ATP9B: variants seen among roughly 807,000 people sequenced by gnomAD.
ATP9B encodes ATPase phospholipid transporting 9B, also known as probable phospholipid-transporting ATPase IIB.
ATP9B carries 110 observed loss-of-function variants against 146.1 expected under a neutral mutation model. The ratio of observed to expected loss-of-function variants is 0.75; its 90% CI spans 0.65 to 0.88. The LOEUF (loss-of-function observed/expected upper bound fraction) is 0.88, where lower values mean the gene tolerates loss of function less well. Ranked by LOEUF, ATP9B falls within the 40% of genes least tolerant of loss-of-function variation. The probability of loss-of-function intolerance (pLI) is 0.00; values close to 1 mark genes in which losing one functional copy is unlikely to be tolerated. For missense variants in ATP9B, 1,499 were observed against 1,496.4 expected, an observed-to-expected ratio of 1.00 and a Z score of -0.03; for synonymous variants, 604 against 569.7, an observed-to-expected ratio of 1.06 and a Z score of -0.86.
chr18:79,097,050 A>G (rs1407791215), intron 2 of ATP9B, among the ~76,000 whole-genome samples: 1 of 151,216 alleles, frequency 6.6e-6, no homozygotes, highest in Non-Finnish European at 1.5e-5. Flanking sequence ...CCCAGCTACT[A>G]GGGAGGCTGA....
intron 12 of ATP9B, among the ~76,000 whole-genome samples, chr18:79,268,126 A>G (rs1293650801): frequency 6.6e-6 from 1 of 152,090 alleles, no homozygotes; most frequent in Non-Finnish European, 1.5e-5. Context: ...AGCTTTTTGC[A>G]TTAAATTCTA....
chr18:79,192,596 A>G (rs1219572945), intron 8 of ATP9B, among the ~76,000 whole-genome samples: 1 of 152,210 alleles, frequency 6.6e-6, no homozygotes, highest in Non-Finnish European at 1.5e-5. Flanking sequence ...CTGCTCTAAA[A>G]TTAATGGTAT....
rs59110010 is a variant in ATP9B at position 79,371,370 on chromosome 18, TAAAAAAAAAAA to T, written c.3013-1434_3013-1424del. Among the ~76,000 whole-genome samples the T allele has an allele frequency of 3.8e-3, 376 of 98,108 alleles. 2 individuals are homozygous for T. Among genetic ancestry groups the T allele is most frequent in the African/African-American group, 0.015 (362 of 24,652 alleles). The allele number at this position is 98,108 out of a possible 152,430, so 64.4% of individuals were successfully genotyped here. On this transcript the variant is annotated intron_variant, in intron 26 of 29. Coordinates refer to ENST00000426216, the MANE Select transcript of ATP9B (RefSeq NM_198531.5). ...CTGGTGAAAGAGCAAGACTCCGTCT[TAAAAAAAAAAA>T]AAAAAAAAAAAAAAAAAAAACAGTA...
chr18:79,351,329 GT>G (rs568033617), intron 25 of ATP9B, among the ~76,000 whole-genome samples: 145 of 152,334 alleles, frequency 9.5e-4, no homozygotes, highest in African/African-American at 3.1e-3. Context: ...CCCAGCTCCT[GT>G]TCCTACAGCT....
At chr18:79,079,396 A>G (rs564171530) in intron 1 of ATP9B, among the ~76,000 whole-genome samples, 1 of 152,024 alleles carries the variant, frequency 6.6e-6, no homozygotes, top group African/African-American at 2.4e-5. Context: ...TTTGATTTGC[A>G]TTTCTCTGAT....
intron 2 of ATP9B, among the ~76,000 whole-genome samples, chr18:79,100,266 A>G (rs1257791509): frequency 6.6e-6 from 1 of 152,190 alleles, no homozygotes; most frequent in Non-Finnish European, 1.5e-5. Flanking sequence ...ACTGCTCTGT[A>G]TGTCAGTGAA....
rs35645442 is a variant in ATP9B, at chr18:79,075,081, G to GTTT, written c.119+5563_119+5565dup. ...TGTGACTTTGTTTATTCTTTTTAGAGTTTTTTTTTTTTTGAGACGGAGTCT... is the reference window on the plus strand; with the variant it reads ...TGTGACTTTGTTTATTCTTTTTAGAGTTTTTTTTTTTTTTTTGAGACGGAGTCT... On this transcript the variant is annotated intron_variant, in intron 1 of 29. Transcript: ENST00000426216. 1.6e-4 allele frequency among the ~76,000 whole-genome samples: 24 copies of GTTT among 146,054 alleles called. 1 individual carries two copies. Among genetic ancestry groups the GTTT allele is most frequent in the Middle Eastern group, 3.6e-3 (1 of 278 alleles).
intron 9 of ATP9B, among the ~76,000 whole-genome samples, chr18:79,195,925 C>T (rs1049264803): frequency 6.6e-6 from 1 of 152,150 alleles, no homozygotes; most frequent in South Asian, 2.1e-4. Context: ...ACATTGACAG[C>T]TCAAGTGTGT....
chr18:79,129,502 C>T (rs1171069999), intron 5 of ATP9B, among the ~76,000 whole-genome samples: 1 of 152,160 alleles, frequency 6.6e-6, no homozygotes, highest in African/African-American at 2.4e-5. Flanking sequence ...TCCTCCTCCC[C>T]CCTGCCCCTC....
At chr18:79,264,159 A>G (rs1033647039) in intron 12 of ATP9B, among the ~76,000 whole-genome samples, 15 of 152,340 alleles carry the variant, frequency 9.8e-5, no homozygotes, top group Admixed American at 1.3e-4. Context: ...AATTTACCAG[A>G]TAATGTTTAA....
At chr18:79,331,500 G>A (rs1426105045) in intron 17 of ATP9B, among the ~76,000 whole-genome samples, 2 of 152,128 alleles carry the variant, frequency 1.3e-5, no homozygotes, top group African/African-American at 2.4e-5. Context: ...AAAATTCTAT[G>A]TACATTTATT....
chr18:79,193,948 C>T (rs1333503863), intron 9 of ATP9B, among the ~76,000 whole-genome samples: 1 of 152,174 alleles, frequency 6.6e-6, no homozygotes, highest in Non-Finnish European at 1.5e-5. Flanking sequence ...CTTGAAAAAG[C>T]ATTTACAGAG....
chr18:79,362,295 CAT>C (rs1441919844), intron 26 of ATP9B: 2 of 152,272 alleles, frequency 1.3e-5, no homozygotes, highest in East Asian at 3.9e-4. Flanking sequence ...CAAGTATAAA[CAT>C]TTGTCCCCTG....
intron 9 of ATP9B, among the ~76,000 whole-genome samples, chr18:79,199,012 C>T (rs770571711): frequency 3.3e-5 from 5 of 151,844 alleles, no homozygotes; most frequent in African/African-American, 7.3e-5. Flanking sequence ...AGTGCAGTGG[C>T]GCAATCTCAG....
intron 15 of ATP9B, among the ~76,000 whole-genome samples, chr18:79,323,433 C>T (rs2096726961): frequency 6.6e-6 from 1 of 152,180 alleles, no homozygotes; most frequent in Non-Finnish European, 1.5e-5. Context: ...CTTTATCACC[C>T]CTATCCCCAA....
In ATP9B at chr18:79,069,846, G is replaced by T. The variant is rs191912468; in HGVS notation, c.119+317G>T. ...CTCCTAAAGTAAACGGGGATCAAAA[G>T]TGCTAACTTCTCGGATACTTCAGAG... On this transcript the variant is annotated intron_variant, in intron 1 of 29. Coordinates refer to ENST00000426216, the MANE Select transcript of ATP9B (RefSeq NM_198531.5). 2.3e-4 allele frequency among the ~76,000 whole-genome samples: 35 copies of T among 152,382 alleles called. 1 individual carries two copies. In the East Asian group the frequency reaches 6.6e-3, roughly 29 times the overall value.
intron 25 of ATP9B, among the ~76,000 whole-genome samples, chr18:79,355,782 C>G (rs1009468756): frequency 6.6e-6 from 1 of 152,170 alleles, no homozygotes; most frequent in South Asian, 2.1e-4. Context: ...AGAAGGTAAG[C>G]AAACCCTGAA....
In ATP9B at chr18:79,110,462, C is replaced by G. The variant is rs757682267; in HGVS notation, c.401C>G (p.Ser134Cys). 2.5e-6 allele frequency: 4 copies of G among 1,613,178 alleles called. No individual in the cohort carries two copies. The highest frequency in any genetic ancestry group is 3.4e-6 in the Non-Finnish European group (4 of 1,179,422). ...TGTGAAGAAAAACATCCCAGGAATT[C>G]TATAAAAAATCAAAAATACAATGTG... The part of the protein sequence containing the change: ...EKCEEKHPRN[S>C]IKNQKYNVFT... Residue 134 changes from serine to cysteine, a missense_variant, in exon 3 of 30, where the codon TCT (serine) becomes TGT (cysteine). Transcript: ENST00000426216.
At chr18:79,254,736 A>G (rs2096061963) in intron 12 of ATP9B, 1 of 152,518 alleles carries the variant, frequency 6.6e-6, no homozygotes, top group South Asian at 2.1e-4. Flanking sequence ...CACTGCAGCT[A>G]TCCCCATGTG....
Sources: allele counts gnomAD v4.1 joint callset (sites outside exome capture counted in the v4.1 genomes callset), GRCh38; gene constraint gnomAD v4.1.1; transcripts MANE v1.5; gene names NCBI Gene and HGNC (gene_info 2026-07-23, HGNC 2026-07-21).